The following SLC5A4 variants were observed in gnomAD, a reference collection of about 807,000 sequenced individuals.
SLC5A4 encodes the protein solute carrier family 5 member 4, also known as probable glucose sensor protein SLC5A4.
SLC5A4 carries 55 observed loss-of-function variants against 70.3 expected under a neutral mutation model. The observed-to-expected ratio is 0.78, with a 90% CI of 0.63 to 0.98. The LOEUF is 0.98. Among genes scored for constraint, SLC5A4 ranks in the 50% least tolerant of loss-of-function variants. SLC5A4 has a pLI of 0.00. For missense variants in SLC5A4, 735 were observed against 839.2 expected (o/e 0.88, Z 1.53); for synonymous variants, 268 against 305.7 (o/e 0.88, Z 1.29).
At chr22:32,225,857 C>G in intron 11 of SLC5A4, 34 bp from the exon 12 acceptor site, 1 of 1,451,748 alleles carries the variant, frequency 6.9e-7, no homozygotes. Context: ...AAACATTAAA[C>G]AAAAGCACTA....
chr22:32,319,081 T>C, the SLC5A4 span, among the ~76,000 whole-genome samples: 1 of 152,246 alleles, frequency 6.6e-6, no homozygotes, highest in Non-Finnish European at 1.5e-5. Context: ...ATTCACACTC[T>C]CTGCCTGCCT....
intron 11 of SLC5A4, among the ~76,000 whole-genome samples, chr22:32,228,542 CA>C (rs34283566): frequency 4.1e-4 from 59 of 145,660 alleles, no homozygotes; most frequent in East Asian, 1.9e-3. Flanking sequence ...AACTCTGTCT[CA>C]AAAAAAAAAA....
the SLC5A4 span, among the ~76,000 whole-genome samples, chr22:32,304,303 GTTT>G: frequency 1.3e-5 from 2 of 151,612 alleles, no homozygotes; most frequent in African/African-American, 2.4e-5. Context: ...TTTTTGTGGG[GTTT>G]TTTTCCGTAT....
At chr22:32,334,749 G>A in the SLC5A4 span, among the ~76,000 whole-genome samples, 12 of 152,324 alleles carry the variant, frequency 7.9e-5, no homozygotes, top group Non-Finnish European at 1.2e-4. Context: ...GGACGTCAGC[G>A]GCACTCCAGT....
In SLC5A4 at chr22:32,247,287, A is replaced by C. The variant is rs946055391; in HGVS notation, c.477+124T>G. 6 of 647,572 alleles carry C rather than the reference A, an allele frequency of 9.3e-6. No homozygotes were observed. The Admixed American group carries it at 1.0e-4, about 11-fold the overall frequency. 40.1% of individuals were successfully genotyped at this position (647,572 alleles called of 1,614,324 possible). On this transcript the variant is annotated intron_variant, in intron 5 of 14. Transcript: ENST00000266086. The stretch of plus-strand genomic sequence containing the variant: ...GAAGAGACAGTCCTGAGAATTTAAG[A>C]CATCCATATCCTTGACCCTTTAAAG...
At chr22:32,322,906 A>T in the SLC5A4 span, among the ~76,000 whole-genome samples, 1 of 152,238 alleles carries the variant, frequency 6.6e-6, no homozygotes, top group Admixed American at 6.5e-5. Context: ...ATTTCAGCTT[A>T]GGAGGGCTTG....
At chr22:32,352,805 C>T in the SLC5A4 span, among the ~76,000 whole-genome samples, 2 of 152,254 alleles carry the variant, frequency 1.3e-5, no homozygotes, top group African/African-American at 2.4e-5. Context: ...ACTGCACTGC[C>T]TGTGCCCTGG....
At position 32,237,183 on chromosome 22, in the gene SLC5A4, G is replaced by A. The variant is rs114550222; in HGVS notation, c.664+61C>T. ...CATCCCAATAAAGAGCAGACAGACC[G>A]AACAGAAACAAGTCCCGTGATTTCC... On this transcript the variant is annotated intron_variant, in intron 7 of 14. Coordinates refer to ENST00000266086, the MANE Select transcript of SLC5A4 (RefSeq NM_014227.3). 2,371 of 1,201,826 alleles carry A rather than the reference G, an allele frequency of 2.0e-3. 34 individuals are homozygous for A. In the African/African-American group the frequency reaches 0.03, roughly 15 times the overall value. The allele number at this position is 1,201,826 out of a possible 1,614,324, so 74.4% of individuals were successfully genotyped here. A position where few individuals can be genotyped will look rare whatever the true frequency, so the allele number is the denominator to read the frequency against.
At chr22:32,342,935 C>T in the SLC5A4 span, 4 of 152,214 alleles carry the variant, frequency 2.6e-5, no homozygotes, top group Admixed American at 2.6e-4. Context: ...CAATCCCTGC[C>T]ATGTAGCCAT....
intron 10 of SLC5A4, among the ~76,000 whole-genome samples, chr22:32,230,410 T>C (rs1925677740): frequency 6.6e-6 from 1 of 152,180 alleles, no homozygotes; most frequent in Admixed American, 6.5e-5. Flanking sequence ...CTCATACTAC[T>C]AGATTTTGAG....
chr22:32,330,713 G>A, the SLC5A4 span, among the ~76,000 whole-genome samples: 1 of 102,052 alleles, frequency 9.8e-6, no homozygotes, highest in Non-Finnish European at 1.9e-5. Flanking sequence ...GTGTGTATTG[G>A]GGGCTCTGGT....
chr22:32,331,142 GTTGGAGGCTCTGGTGTGTGTGTT>G, the SLC5A4 span, among the ~76,000 whole-genome samples: 1 of 105,816 alleles, frequency 9.5e-6, no homozygotes, highest in Non-Finnish European at 2.2e-5. Context: ...GTGTCTGTGT[GTTGGAGGCTCTGGTGTGTGTGTT>G]GGGGGGCTCT....
chr22:32,283,015 C>T, the SLC5A4 span, among the ~76,000 whole-genome samples: 268 of 152,356 alleles, frequency 1.8e-3, 2 homozygotes, highest in Admixed American at 9.5e-3. Context: ...CTGCTCAAAC[C>T]TTGCCGAGCC....
the SLC5A4 span, among the ~76,000 whole-genome samples, chr22:32,292,967 C>A: frequency 6.6e-6 from 1 of 152,120 alleles, no homozygotes; most frequent in Non-Finnish European, 1.5e-5. Context: ...TAGGTGCCTA[C>A]CAATTTAAGA....
At chr22:32,327,139 T>G in the SLC5A4 span, 1 of 152,394 alleles carries the variant, frequency 6.6e-6, no homozygotes, top group South Asian at 2.1e-4. Context: ...AAGAGAGATG[T>G]GTGCATTCAT....
Position 32,239,543 on chromosome 22 carries a change from TATATATATA to T in SLC5A4, c.478-462_478-454del, listed in dbSNP as rs1926296980. Among the ~76,000 whole-genome samples the T allele has an allele frequency of 1.7e-4, 2 of 11,870 alleles. 1 individual carries two copies. The highest frequency in any genetic ancestry group is 2.7e-3 in the East Asian group (2 of 752). 7.8% of individuals were successfully genotyped at this position (11,870 alleles called of 152,430 possible). ...TTATATATATATATATATATATATATATATATATATATATATATATATATATTTATATAT... is the reference window on the plus strand; with the variant it reads ...TTATATATATATATATATATATATATTATATATATATATATATTTATATAT... On this transcript the variant is annotated intron_variant, in intron 5 of 14. Coordinates refer to ENST00000266086, the MANE Select transcript of SLC5A4 (RefSeq NM_014227.3).
the SLC5A4 span, among the ~76,000 whole-genome samples, chr22:32,336,017 G>A: frequency 6.6e-6 from 1 of 152,166 alleles, no homozygotes; most frequent in African/African-American, 2.4e-5. Flanking sequence ...TTAAGACCAG[G>A]GGTGAAATAG....
the SLC5A4 span, among the ~76,000 whole-genome samples, chr22:32,290,692 G>GT: frequency 2.0e-5 from 3 of 152,238 alleles, no homozygotes; most frequent in South Asian, 6.2e-4. Context: ...CAGATGTGGG[G>GT]TGTGCAGAAG....
upstream of SLC5A4, among the ~76,000 whole-genome samples, chr22:32,260,070 A>T (rs115851943): frequency 5.4e-3 from 822 of 152,188 alleles, 10 homozygotes; most frequent in African/African-American, 0.019. Flanking sequence ...GGGCTGGGGG[A>T]CTCAGGGGCT....
Sources: allele counts gnomAD v4.1 joint callset (sites outside exome capture counted in the v4.1 genomes callset), GRCh38; gene constraint gnomAD v4.1.1; transcripts MANE v1.5; gene names NCBI Gene and HGNC (gene_info 2026-07-23, HGNC 2026-07-21).